The following TMEM178B variants were observed in gnomAD, a reference collection of about 807,000 sequenced individuals.
TMEM178B encodes transmembrane protein 178B.
Under a neutral mutation model 31.0 loss-of-function variants are expected in TMEM178B, and 5 were observed. That is an observed-to-expected ratio of 0.16 (90% CI 0.08 to 0.34). The LOEUF is 0.34. Among genes scored for constraint, TMEM178B ranks in the 10% least tolerant of loss-of-function variants. TMEM178B has a pLI of 1.00. For synonymous variants in TMEM178B, 164 were observed against 164.0 expected (o/e 1.00, Z 0.00); for missense variants, 275 against 400.3 (o/e 0.69, Z 2.67).
intron 2 of TMEM178B, among the ~76,000 whole-genome samples, chr7:141,248,646 A>G (rs948584201): frequency 6.6e-6 from 1 of 152,224 alleles, no homozygotes; most frequent in African/African-American, 2.4e-5. Flanking sequence ...ATCGAAATAT[A>G]GAAAAGGTAC....
chr7:141,132,388 A>G (rs551870324), intron 1 of TMEM178B, among the ~76,000 whole-genome samples: 47 of 152,372 alleles, frequency 3.1e-4, no homozygotes, highest in African/African-American at 1.1e-3. Flanking sequence ...TTGTTTAATG[A>G]AAGCATTTTA....
At chr7:141,173,723 G>C (rs566016532) in intron 1 of TMEM178B, among the ~76,000 whole-genome samples, 1 of 152,266 alleles carries the variant, frequency 6.6e-6, no homozygotes, top group South Asian at 2.1e-4. Flanking sequence ...TGGATTGGTT[G>C]GCCAAGTTTG....
chr7:141,138,467 AAG>A (rs1463934331), intron 1 of TMEM178B, among the ~76,000 whole-genome samples: 1 of 152,064 alleles, frequency 6.6e-6, no homozygotes, highest in East Asian at 1.9e-4. Flanking sequence ...AAGACCCCAG[AAG>A]AGAGAAGATG....
intron 2 of TMEM178B, among the ~76,000 whole-genome samples, chr7:141,374,008 C>T (rs907722152): frequency 3.3e-5 from 5 of 152,116 alleles, no homozygotes; most frequent in African/African-American, 9.7e-5. Flanking sequence ...TTTCAATAGG[C>T]CCTCCCCTCC....
In TMEM178B at chr7:141,415,644, A is replaced by C. The variant is rs566855571; in HGVS notation, c.497-21964A>C. On this transcript the variant is annotated intron_variant, in intron 2 of 3. Transcript: ENST00000565468. Reference sequence around the variant, plus strand: ...CAGGTGAACTTGGCAACCTATCAGAAATCCAGGGACAAAAAGGAATGAAAC... The same window carrying C: ...CAGGTGAACTTGGCAACCTATCAGACATCCAGGGACAAAAAGGAATGAAAC... Among the ~76,000 whole-genome samples the C allele has an allele frequency of 5.9e-5, 9 of 152,320 alleles. No homozygotes were observed. The South Asian group carries it at 1.7e-3, about 28-fold the overall frequency.
intron 2 of TMEM178B, among the ~76,000 whole-genome samples, chr7:141,320,888 C>T (rs760581448): frequency 6.6e-6 from 1 of 152,122 alleles, no homozygotes; most frequent in East Asian, 1.9e-4. Context: ...CTCTTAAGCT[C>T]CAGGCTGTGG....
At chr7:141,184,059 T>C (rs1796571478) in intron 1 of TMEM178B, among the ~76,000 whole-genome samples, 1 of 152,236 alleles carries the variant, frequency 6.6e-6, no homozygotes, top group Non-Finnish European at 1.5e-5. Flanking sequence ...GTGAGTTTTC[T>C]TGGGGGATTC....
At chr7:141,238,461 G>A (rs1797564352) in intron 2 of TMEM178B, among the ~76,000 whole-genome samples, 1 of 152,144 alleles carries the variant, frequency 6.6e-6, no homozygotes, top group Non-Finnish European at 1.5e-5. Flanking sequence ...TATCTTAACT[G>A]TGTGTAACCT....
intron 1 of TMEM178B, among the ~76,000 whole-genome samples, chr7:141,151,981 G>A (rs900594837): frequency 6.6e-6 from 1 of 152,154 alleles, no homozygotes; most frequent in African/African-American, 2.4e-5. Context: ...TACAGTGGGG[G>A]CAGTAAGCTA....
chr7:141,284,591 C>G (rs961949342), intron 2 of TMEM178B, among the ~76,000 whole-genome samples: 17 of 152,170 alleles, frequency 1.1e-4, no homozygotes, highest in Non-Finnish European at 2.9e-5. Flanking sequence ...CTAGACCTTG[C>G]TGATTCCATT....
At chr7:141,351,131 A>G (rs1406532970) in intron 2 of TMEM178B, among the ~76,000 whole-genome samples, 3 of 152,266 alleles carry the variant, frequency 2.0e-5, no homozygotes, top group Non-Finnish European at 4.4e-5. Flanking sequence ...CCTTTGATGT[A>G]GAAAGCCAAG....
intron 2 of TMEM178B, among the ~76,000 whole-genome samples, chr7:141,214,254 TC>T (rs1303211733): frequency 6.6e-6 from 1 of 152,018 alleles, no homozygotes; most frequent in East Asian, 1.9e-4. Context: ...GTTATGGGGG[TC>T]GTAATAGGAT....
chr7:141,143,005 T>G (rs942955461), intron 1 of TMEM178B, among the ~76,000 whole-genome samples: 1 of 152,268 alleles, frequency 6.6e-6, no homozygotes, highest in Non-Finnish European at 1.5e-5. Context: ...GTTTGTTTGT[T>G]GGCTGCAAAT....
At position 141,154,069 on chromosome 7, in the gene TMEM178B, A is replaced by G. The variant is rs142799239; in HGVS notation, c.383-58522A>G. Among the ~76,000 whole-genome samples the G allele has an allele frequency of 1.6e-3, 242 of 152,362 alleles. 3 individuals carry two copies. In the East Asian group the frequency reaches 0.039, roughly 24 times the overall value. ...TCTAGGCATTGGGGCTACATAAGCAAGGTGGGCAACTTTCCCATTTCTATT... is the reference window on the plus strand; with the variant it reads ...TCTAGGCATTGGGGCTACATAAGCAGGGTGGGCAACTTTCCCATTTCTATT... On this transcript the variant is annotated intron_variant, in intron 1 of 3. Coordinates refer to ENST00000565468, the MANE Select transcript of TMEM178B (RefSeq NM_001195278.2).
At chr7:141,291,724 A>C (rs1198061523) in intron 2 of TMEM178B, among the ~76,000 whole-genome samples, 1 of 151,986 alleles carries the variant, frequency 6.6e-6, no homozygotes, top group East Asian at 1.9e-4. Flanking sequence ...AAATGTAGAG[A>C]CAACAAACGC....
chr7:141,337,824 A>G (rs893995284), intron 2 of TMEM178B, among the ~76,000 whole-genome samples: 1 of 152,176 alleles, frequency 6.6e-6, no homozygotes, highest in Non-Finnish European at 1.5e-5. Context: ...GATCCAGCAG[A>G]TAGCATAAAA....
At chr7:141,442,510 C>T (rs2116690332) in intron 3 of TMEM178B, among the ~76,000 whole-genome samples, 1 of 152,346 alleles carries the variant, frequency 6.6e-6, no homozygotes, top group East Asian at 1.9e-4. Context: ...TAATCAGGCT[C>T]ATGCTGCCTC....
chr7:141,169,515 C>T (rs1796315624), intron 1 of TMEM178B, among the ~76,000 whole-genome samples: 1 of 152,174 alleles, frequency 6.6e-6, no homozygotes, highest in Non-Finnish European at 1.5e-5. Flanking sequence ...TGTACGTGTG[C>T]ATGTATTTTT....
chr7:141,122,467 C>T (rs1333405210), intron 1 of TMEM178B, among the ~76,000 whole-genome samples: 1 of 152,198 alleles, frequency 6.6e-6, no homozygotes, highest in Non-Finnish European at 1.5e-5. Flanking sequence ...CTCAGAGCGT[C>T]TTAAGGACAC....
Sources: allele counts gnomAD v4.1 joint callset (sites outside exome capture counted in the v4.1 genomes callset), GRCh38; gene constraint gnomAD v4.1.1; transcripts MANE v1.5; gene names NCBI Gene and HGNC (gene_info 2026-07-23, HGNC 2026-07-21).